Variants in WASL observed in about 807,000 individuals in gnomAD.
WASL encodes WASP like actin nucleation promoting factor.
A neutral mutation model predicts 55.5 loss-of-function variants in WASL; 20 were observed. The observed-to-expected ratio is 0.36, with a 90% confidence interval of 0.25 to 0.52. WASL has a LOEUF of 0.52. Among genes scored for constraint, WASL ranks in the 20% least tolerant of loss-of-function variants. The pLI, the probability that WASL is intolerant of heterozygous loss-of-function variation, is 0.92. For missense variants in WASL, 504 were observed against 622.5 expected, an observed-to-expected ratio of 0.81 and a Z score of 2.03; for synonymous variants, 249 against 217.6, an observed-to-expected ratio of 1.14 and a Z score of -1.27.
intron 1 of WASL, among the ~76,000 whole-genome samples, chr7:123,743,462 G>A (rs544097063): frequency 2.0e-5 from 3 of 152,158 alleles, no homozygotes; most frequent in African/African-American, 4.8e-5. Flanking sequence ...TAGCAGCCAG[G>A]GAGGCTCAGG....
rs1005697922 is a variant in WASL at position 123,738,136 on chromosome 7, T to C, written c.117+10482A>G. Among the ~76,000 whole-genome samples the C allele has an allele frequency of 2.0e-5, 3 of 151,960 alleles. 1 individual carries two copies. In the South Asian group the frequency reaches 6.3e-4, roughly 32 times the overall value. ...AGATGTTTTCACCAGTGTGAGACTGTCTACAGGGAAAACTATTACACCCAT... is the reference window on the plus strand; with the variant it reads ...AGATGTTTTCACCAGTGTGAGACTGCCTACAGGGAAAACTATTACACCCAT... On this transcript the variant is annotated intron_variant, in intron 1 of 10. Transcript: ENST00000223023.
intron 1 of WASL, among the ~76,000 whole-genome samples, chr7:123,737,734 A>G (rs574407653): frequency 9.9e-5 from 15 of 152,282 alleles, no homozygotes; most frequent in Admixed American, 9.8e-4. Flanking sequence ...TTCCAGAAAG[A>G]TTAAAGATTT....
intron 1 of WASL, among the ~76,000 whole-genome samples, chr7:123,738,444 A>C (rs1804274884): frequency 6.6e-6 from 1 of 152,160 alleles, no homozygotes; most frequent in African/African-American, 2.4e-5. Context: ...CACAGATCTA[A>C]TCCCACTCCC....
At chr7:123,695,774 C>T in intron 7 of WASL, 49 bp downstream of exon 7, 1 of 1,573,466 alleles carries the variant, frequency 6.4e-7, no homozygotes. Flanking sequence ...AATAGGCCAA[C>T]ACATTTCCAC....
At chr7:123,730,875 T>C (rs1403660678) in intron 1 of WASL, among the ~76,000 whole-genome samples, 1 of 152,196 alleles carries the variant, frequency 6.6e-6, no homozygotes, top group Non-Finnish European at 1.5e-5. Context: ...CACAGGGGTT[T>C]GGTGTACAGG....
chr7:123,696,302 T>C (rs960499396), intron 6 of WASL, among the ~76,000 whole-genome samples: 1 of 152,054 alleles, frequency 6.6e-6, no homozygotes, highest in Non-Finnish European at 1.5e-5. Flanking sequence ...GAAATCATTT[T>C]TATGTTCAAT....
intron 1 of WASL, among the ~76,000 whole-genome samples, chr7:123,728,295 T>C (rs962342437): frequency 1.3e-5 from 2 of 152,146 alleles, no homozygotes; most frequent in South Asian, 4.1e-4. Flanking sequence ...TATTGGAAAA[T>C]GCAATTTGGC....
At chr7:123,708,718 T>A (rs1803709177) in intron 2 of WASL, among the ~76,000 whole-genome samples, 1 of 152,104 alleles carries the variant, frequency 6.6e-6, no homozygotes, top group Non-Finnish European at 1.5e-5. Flanking sequence ...AATATTATTT[T>A]GTTGTTACCT....
intron 10 of WASL, 90 bp from the exon 11 acceptor site, chr7:123,684,670 G>A: frequency 8.2e-7 from 1 of 1,218,730 alleles, no homozygotes; most frequent in East Asian, 3.3e-5. Context: ...TTTAACTCCT[G>A]AAACACAGAT....
At chr7:123,745,725 TA>T (rs1425167302) in intron 1 of WASL, among the ~76,000 whole-genome samples, 10 of 152,034 alleles carry the variant, frequency 6.6e-5, no homozygotes, top group Middle Eastern at 3.2e-3. Context: ...GCATTTCTCA[TA>T]ATCTCCACAA....
chr7:123,708,015 T>C (rs752626757), intron 2 of WASL, among the ~76,000 whole-genome samples: 2 of 151,900 alleles, frequency 1.3e-5, no homozygotes, highest in Non-Finnish European at 2.9e-5. Context: ...GCAGAACCCA[T>C]CTCTATAAGA....
intron 1 of WASL, among the ~76,000 whole-genome samples, chr7:123,711,659 C>T: frequency 6.6e-6 from 1 of 152,156 alleles, no homozygotes; most frequent in East Asian, 1.9e-4. Context: ...AAAACAGTCA[C>T]TAATCCCCAC....
At chr7:123,721,956 A>G (rs1309265204) in intron 1 of WASL, among the ~76,000 whole-genome samples, 6 of 152,044 alleles carry the variant, frequency 3.9e-5, no homozygotes, top group Non-Finnish European at 8.8e-5. Context: ...CAGATCTTTT[A>G]CACTGTTACT....
intron 7 of WASL, 125 bp from the exon 8 acceptor site, chr7:123,694,993 G>A (rs1368613619): frequency 3.4e-6 from 3 of 892,056 alleles, no homozygotes; most frequent in African/African-American, 1.7e-5. Flanking sequence ...TATTACTTAT[G>A]TGCTAACTAA....
chr7:123,729,757 CTA>C (rs1804108285), intron 1 of WASL, among the ~76,000 whole-genome samples: 1 of 152,108 alleles, frequency 6.6e-6, no homozygotes, highest in African/African-American at 2.4e-5. Context: ...TACGACTATT[CTA>C]TGAGCATTAC....
Position 123,704,560 on chromosome 7 carries a change from T to C in WASL, c.460+74A>G. ...TAAAAGATACTAAATATTACTAATG[T>C]ATGGTACATGTTTCCACAAGGATTA... On this transcript the variant is annotated intron_variant, in intron 5 of 10. Coordinates refer to ENST00000223023, the MANE Select transcript of WASL (RefSeq NM_003941.4). 7 of 1,195,920 alleles carry C rather than the reference T, an allele frequency of 5.9e-6. 1 individual carries two copies. The South Asian group carries it at 9.5e-5, about 16-fold the overall frequency. 74.1% of individuals were successfully genotyped at this position (1,195,920 alleles called of 1,614,324 possible).
intron 10 of WASL, 150 bp from the exon 11 acceptor site, chr7:123,684,730 TA>T: frequency 1.5e-6 from 1 of 666,282 alleles, no homozygotes; most frequent in East Asian, 4.2e-5. Flanking sequence ...AAAGTGAATC[TA>T]AAGAAATATA....
chr7:123,744,354 A>C (rs1804394859), intron 1 of WASL, among the ~76,000 whole-genome samples: 1 of 152,196 alleles, frequency 6.6e-6, no homozygotes, highest in African/African-American at 2.4e-5. Context: ...AAAATAAACG[A>C]GTAATTATAA....
At chr7:123,700,038 T>C (rs1266882590) in intron 5 of WASL, among the ~76,000 whole-genome samples, 3 of 151,352 alleles carry the variant, frequency 2.0e-5, no homozygotes, top group Non-Finnish European at 4.4e-5. Flanking sequence ...TATCCGGGCA[T>C]GGTGGCGCGC....
Sources: allele counts gnomAD v4.1 joint callset (sites outside exome capture counted in the v4.1 genomes callset), GRCh38; gene constraint gnomAD v4.1.1; transcripts MANE v1.5; gene names NCBI Gene and HGNC (gene_info 2026-07-23, HGNC 2026-07-21).